PHF20L1: variants seen among roughly 807,000 people sequenced by gnomAD.
PHF20L1 encodes the protein PHD finger protein 20 like 1.
Under a neutral mutation model 125.5 loss-of-function variants are expected in PHF20L1, and 44 were observed. The ratio of observed to expected loss-of-function variants is 0.35; its 90% confidence interval spans 0.28 to 0.45. PHF20L1 has a LOEUF of 0.45. Ranked by LOEUF, PHF20L1 falls within the 20% of genes least tolerant of loss-of-function variation. The probability of loss-of-function intolerance (pLI) is 1.00; values close to 1 mark genes in which losing one functional copy is unlikely to be tolerated. For missense variants in PHF20L1, 1,012 were observed against 1,217.2 expected (o/e 0.83, Z 2.51); for synonymous variants, 380 against 403.1 (o/e 0.94, Z 0.69).
At chr8:132,778,548 T>TA (rs1830077171) in intron 2 of PHF20L1, among the ~76,000 whole-genome samples, 1 of 152,142 alleles carries the variant, frequency 6.6e-6, no homozygotes, top group Non-Finnish European at 1.5e-5. Context: ...AGTGGTAAAT[T>TA]TAAACACCTC....
intron 2 of PHF20L1, among the ~76,000 whole-genome samples, chr8:132,778,791 G>A (rs1830104528): frequency 6.6e-6 from 1 of 152,140 alleles, no homozygotes; most frequent in South Asian, 2.1e-4. Flanking sequence ...ACCTGAGAGG[G>A]GCATTAGAGG....
At chr8:132,825,121 C>A in intron 13 of PHF20L1, 143 bp from the exon 14 acceptor site, 1 of 1,542,516 alleles carries the variant, frequency 6.5e-7, no homozygotes. Flanking sequence ...AGAGTCATGA[C>A]ATGAACAGTT....
intron 12 of PHF20L1, 45 bp downstream of exon 12, chr8:132,817,590 A>G (rs1295792657): frequency 7.4e-7 from 1 of 1,349,574 alleles, no homozygotes; most frequent in Non-Finnish European, 1.0e-6. Flanking sequence ...ATAAGTAGCT[A>G]GGCTTGCAGT....
intron 4 of PHF20L1, among the ~76,000 whole-genome samples, chr8:132,797,865 AG>A (rs986492898): frequency 6.6e-6 from 1 of 152,058 alleles, no homozygotes; most frequent in Non-Finnish European, 1.5e-5. Flanking sequence ...ATAAAGACCA[AG>A]TATCTGTTTA....
chr8:132,843,844 A>G (rs1311552184), intron 19 of PHF20L1: 1 of 985,028 alleles, frequency 1.0e-6, no homozygotes, highest in Admixed American at 6.2e-5. Context: ...GGAAGAGGCC[A>G]GTCTAAATTA....
chr8:132,843,140 C>T (rs1045579969), intron 19 of PHF20L1: 40 of 1,114,336 alleles, frequency 3.6e-5, no homozygotes, highest in Middle Eastern at 3.9e-4. Context: ...CATTTCGATG[C>T]TTCTAAAAAA....
rs1390272546 is a variant in PHF20L1, at chr8:132,848,090, ACATT to A, written c.*2171_*2174del. On this transcript the variant is annotated 3_prime_UTR_variant, in exon 21 of 21. Transcript: ENST00000395386. ...CACAGAAGACCCTTTGTACCTAGTAACATTCATCCTCTTGATTCCTGGTGAACAC... is the reference window on the plus strand; with the variant it reads ...CACAGAAGACCCTTTGTACCTAGTAACATCCTCTTGATTCCTGGTGAACAC... 1.3e-5 allele frequency: 2 copies of A among 152,042 alleles called. No homozygotes were observed. The highest frequency in any genetic ancestry group is 2.9e-5 in the Non-Finnish European group (2 of 67,954). The allele number at this position is 152,042 out of a possible 1,614,324, so 9.4% of individuals were successfully genotyped here.
chr8:132,819,109 T>C (rs1835298498), intron 12 of PHF20L1: 1 of 151,932 alleles, frequency 6.6e-6, no homozygotes, highest in South Asian at 2.1e-4. Flanking sequence ...TTCTAGCATA[T>C]TTGTGGCAAT....
chr8:132,788,742 T>G (rs1260219048), intron 2 of PHF20L1: 2 of 152,154 alleles, frequency 1.3e-5, no homozygotes, highest in African/African-American at 4.8e-5. Context: ...TTAAAATTAA[T>G]CCATCAGATT....
chr8:132,839,171 C>T (rs1457247989), intron 17 of PHF20L1: 1 of 535,642 alleles, frequency 1.9e-6, no homozygotes, highest in South Asian at 2.4e-5. Flanking sequence ...CTGACCATGT[C>T]CTTAATGGTG....
chr8:132,787,519 G>C (rs1831191789), intron 2 of PHF20L1, among the ~76,000 whole-genome samples: 2 of 152,068 alleles, frequency 1.3e-5, no homozygotes. Context: ...TGTTGGAGAA[G>C]ATATAATTTT....
chr8:132,843,479 C>T lies in PHF20L1; in HGVS notation c.2748+604C>T, dbSNP rs79951297. 4.2e-3 allele frequency: 4,100 copies of T among 978,524 alleles called. 124 individuals are homozygous for T. The African/African-American group carries it at 0.064, about 15-fold the overall frequency. The allele number at this position is 978,524 out of a possible 1,614,324, so 60.6% of individuals were successfully genotyped here. A position where few individuals can be genotyped will look rare whatever the true frequency, so the allele number is the denominator to read the frequency against. ...TTCTGCATTCCTTAACAAGTAATTACCATAAATAAGTACTTAAGTGAATTG... is the reference window on the plus strand; with the variant it reads ...TTCTGCATTCCTTAACAAGTAATTATCATAAATAAGTACTTAAGTGAATTG... On this transcript the variant is annotated intron_variant, in intron 19 of 20. Transcript: ENST00000395386.
intron 2 of PHF20L1, among the ~76,000 whole-genome samples, chr8:132,780,880 G>C (rs1488966659): frequency 8.5e-6 from 1 of 118,216 alleles, no homozygotes; most frequent in Non-Finnish European, 1.7e-5. Flanking sequence ...AGTCTTTTCT[G>C]TTTCTCAGGC....
intron 8 of PHF20L1, chr8:132,806,868 T>A (rs1403165364): frequency 6.6e-6 from 1 of 151,984 alleles, no homozygotes; most frequent in Non-Finnish European, 1.5e-5. Flanking sequence ...CCACTCTATT[T>A]TATTATTTTT....
rs1463671647 is a variant in PHF20L1 at position 132,798,870 on chromosome 8, T to C, written c.429+10T>C. ...GGATGCTAAGGGGCAGGTAAGAGTG[T>C]TCAGTATTCCTAGCTACCCAAAGGG... On this transcript the variant is annotated intron_variant, in intron 5 of 20. Coordinates refer to ENST00000395386, the MANE Select transcript of PHF20L1 (RefSeq NM_016018.5). 6.4e-7 allele frequency: 1 copy of C among 1,570,840 alleles called. No homozygotes were observed. Among genetic ancestry groups the C allele is most frequent in the South Asian group, 1.1e-5 (1 of 89,014 alleles).
chr8:132,779,504 TTAAG>T (rs1236460988), intron 2 of PHF20L1, among the ~76,000 whole-genome samples: 1 of 152,238 alleles, frequency 6.6e-6, no homozygotes. Context: ...GATATTACTC[TTAAG>T]TGATTTATTT....
chr8:132,836,755 T>G lies in PHF20L1; in HGVS notation c.2091+34T>G, dbSNP rs765115292. The G allele has an allele frequency of 2.0e-6, 3 of 1,509,934 alleles. No individual in the cohort carries two copies. The South Asian group carries it at 3.5e-5, about 17-fold the overall frequency. The allele number at this position is 1,509,934 out of a possible 1,614,324, so 93.5% of individuals were successfully genotyped here. On this transcript the variant is annotated intron_variant, in intron 16 of 20. Coordinates refer to ENST00000395386, the MANE Select transcript of PHF20L1 (RefSeq NM_016018.5). ...TTAACCTCTCTTCCCTATAATGAGT[T>G]AGTTGTTTCAGGTGCTCAGCAAATG...
Position 132,777,880 on chromosome 8 carries a change from C to T in PHF20L1, c.52C>T (p.Arg18Cys), listed in dbSNP as rs868389481. Residue 18 changes from arginine (R) to cysteine (C), a missense_variant, in exon 2 of 21, where the codon CGT becomes TGT. Coordinates refer to ENST00000395386, the MANE Select transcript of PHF20L1 (RefSeq NM_016018.5). ...RPGITFEIGARLEALDYLQKW... is the reference protein window; with the variant it reads ...RPGITFEIGACLEALDYLQKW... ...TGGAATCACTTTTGAGATTGGTGCTCGTTTGGAGGCACTGGACTACTTACA... is the reference window on the plus strand; with the variant it reads ...TGGAATCACTTTTGAGATTGGTGCTTGTTTGGAGGCACTGGACTACTTACA... 2.5e-6 allele frequency: 4 copies of T among 1,612,356 alleles called. No individual in the cohort carries two copies. Among genetic ancestry groups the T allele is most frequent in the Non-Finnish European group, 3.4e-6 (4 of 1,178,606 alleles).
intron 2 of PHF20L1, among the ~76,000 whole-genome samples, chr8:132,793,975 T>C (rs987166727): frequency 2.0e-5 from 3 of 152,206 alleles, no homozygotes; most frequent in African/African-American, 7.2e-5. Flanking sequence ...ACATAATATT[T>C]CATTCAGTGG....
Sources: gnomAD v4.1 joint callset for allele counts (sites outside exome capture counted in the v4.1 genomes callset) on GRCh38, gnomAD v4.1.1 for gene constraint, MANE v1.5 for transcripts, NCBI Gene and HGNC (gene_info 2026-07-23, HGNC 2026-07-21) for gene names.